Variants in LPCAT1 observed in about 807,000 individuals in gnomAD.
LPCAT1 encodes 1-acylglycerol-3-phosphate O-acyltransferase.
Under a neutral mutation model 60.9 loss-of-function variants are expected in LPCAT1, and 23 were observed. The ratio of observed to expected loss-of-function variants is 0.38; its 90% CI spans 0.27 to 0.53. LPCAT1 has a LOEUF of 0.53. Ranked by LOEUF, LPCAT1 falls within the 20% of genes least tolerant of loss-of-function variation. The pLI, the probability that LPCAT1 is intolerant of heterozygous loss-of-function variation, is 0.82. For missense variants in LPCAT1, 622 were observed against 723.6 expected (o/e 0.86, Z 1.61); for synonymous variants, 340 against 301.1 (o/e 1.13, Z -1.34).
chr5:1,520,874 A>G (rs1328782867), intron 1 of LPCAT1, among the ~76,000 whole-genome samples: 8 of 150,616 alleles, frequency 5.3e-5, no homozygotes, highest in Non-Finnish European at 1.0e-4. Flanking sequence ...AAAAAAAAAA[A>G]AAAAAGAAAA....
chr5:1,497,246 T>C (rs1022785722), intron 2 of LPCAT1, among the ~76,000 whole-genome samples: 4 of 151,928 alleles, frequency 2.6e-5, no homozygotes, highest in Non-Finnish European at 5.9e-5. Flanking sequence ...GACTGGGAAA[T>C]GAGGAGGAGG....
At position 1,487,653 on chromosome 5, in the gene LPCAT1, C is replaced by T. The variant is rs553282627; in HGVS notation, c.667+738G>A. Among the ~76,000 whole-genome samples, 5 of 152,284 alleles carry T rather than the reference C, an allele frequency of 3.3e-5. No individual in the cohort carries two copies. Among genetic ancestry groups the T allele is most frequent in the South Asian group, 2.1e-4 (1 of 4,826 alleles). ...TGTGAGCGAGGAACTGGCTTTTCCA[C>T]GTGACTCTGATCCAACCACAGAGAA... is the stretch of plus-strand genomic sequence containing the variant. On this transcript the variant is annotated intron_variant, in intron 5 of 13. Coordinates refer to ENST00000283415, the MANE Select transcript of LPCAT1 (RefSeq NM_024830.5). The surrounding 1 kb of genome is among the most constrained non-coding windows in gnomAD (Gnocchi z 6.1).
intron 11 of LPCAT1, among the ~76,000 whole-genome samples, chr5:1,472,839 G>A (rs576118446): frequency 4.1e-4 from 63 of 152,188 alleles, no homozygotes; most frequent in Non-Finnish European, 8.1e-4. Flanking sequence ...CCGAGACACT[G>A]TTTCCAGCTG....
chr5:1,505,371 C>T (rs1046275888), intron 1 of LPCAT1, among the ~76,000 whole-genome samples: 9 of 152,218 alleles, frequency 5.9e-5, no homozygotes, highest in Non-Finnish European at 1.2e-4. Context: ...GACTGCAACA[C>T]TGCTTCCACC....
At chr5:1,519,491 CATTCGGAAAATTA>C (rs1383489564) in intron 1 of LPCAT1, among the ~76,000 whole-genome samples, 3 of 152,218 alleles carry the variant, frequency 2.0e-5, no homozygotes, top group African/African-American at 7.2e-5. Flanking sequence ...TCGGAAAATT[CATTCGGAAAATTA>C]GACAGGATTA....
rs532976095 is a variant in LPCAT1, at chr5:1,484,815, T to C, written c.668-1329A>G. 6.6e-5 allele frequency among the ~76,000 whole-genome samples: 10 copies of C among 152,214 alleles called. No individual in the cohort carries two copies. The South Asian group carries it at 1.2e-3, about 19-fold the overall frequency. The stretch of plus-strand genomic sequence containing the variant: ...AGTCCCTGGGCCCGTGTGCCGCAGC[T>C]TCCCCTGTGTCCAGGGCTGGGTTGC... On this transcript the variant is annotated intron_variant, in intron 5 of 13. Coordinates refer to ENST00000283415, the MANE Select transcript of LPCAT1 (RefSeq NM_024830.5).
intron 1 of LPCAT1, among the ~76,000 whole-genome samples, chr5:1,507,376 C>T (rs535563779): frequency 6.6e-6 from 1 of 152,240 alleles, no homozygotes; most frequent in African/African-American, 2.4e-5. Context: ...TAATGAGGAA[C>T]TTTGTCTGAA....
At position 1,480,261 on chromosome 5, in the gene LPCAT1, T is replaced by A; in HGVS notation, c.762-586A>T. The A allele has an allele frequency of 1.2e-6, 1 of 813,740 alleles. No homozygotes were observed. The highest frequency in any genetic ancestry group is 1.5e-6 in the Non-Finnish European group (1 of 679,750). 50.4% of individuals were successfully genotyped at this position (813,740 alleles called of 1,614,324 possible). A position where few individuals can be genotyped will look rare whatever the true frequency, so the allele number is the denominator to read the frequency against. On this transcript the variant is annotated intron_variant, in intron 7 of 13. Coordinates refer to ENST00000283415, the MANE Select transcript of LPCAT1 (RefSeq NM_024830.5). This position sits in a 1 kb window ranked among gnomAD's most constrained non-coding sequence, Gnocchi z 6.4. ...GCCCCCTCCCAGCTCTGCTCCCAGC[T>A]GGGAGCCTCCACACGCCAGCCTGGG...
rs113863322 is a variant in LPCAT1, at chr5:1,464,152, G to T, written c.1421-317C>A. Among the ~76,000 whole-genome samples, 475 of 152,374 alleles carry T rather than the reference G, an allele frequency of 3.1e-3. 1 individual carries two copies. The highest frequency in any genetic ancestry group is 0.011 in the African/African-American group (462 of 41,588). Reference sequence around the variant, plus strand: ...GGGGACTTAGCACTTCTGAGGCACTGTAACCAGAGAAGCTGGCTCAGGGAC... The same window carrying T: ...GGGGACTTAGCACTTCTGAGGCACTTTAACCAGAGAAGCTGGCTCAGGGAC... On this transcript the variant is annotated intron_variant, in intron 13 of 13. Transcript: ENST00000283415.
rs1215589170 is a variant in LPCAT1 at position 1,487,105 on chromosome 5, C to T, written c.667+1286G>A. The stretch of plus-strand genomic sequence containing the variant: ...GGCACGAGGCTCCACTCCCGAGGAA[C>T]ACCTGCCCTTGAAGACAGGGCCCAG... On this transcript the variant is annotated intron_variant, in intron 5 of 13. Coordinates refer to ENST00000283415, the MANE Select transcript of LPCAT1 (RefSeq NM_024830.5). This position sits in a 1 kb window ranked among gnomAD's most constrained non-coding sequence, Gnocchi z 6.1. Among the ~76,000 whole-genome samples, 1 of 152,252 alleles carries T rather than the reference C, an allele frequency of 6.6e-6. No individual in the cohort carries two copies. Among genetic ancestry groups the T allele is most frequent in the African/African-American group, 2.4e-5 (1 of 41,464 alleles).
intron 2 of LPCAT1, 40 bp from the exon 3 acceptor site, chr5:1,494,954 C>T (rs1316301652): frequency 1.3e-6 from 2 of 1,537,620 alleles, no homozygotes; most frequent in Admixed American, 3.8e-5. Flanking sequence ...CACACGTCCG[C>T]AGTCTCGGAG....
intron 1 of LPCAT1, among the ~76,000 whole-genome samples, chr5:1,517,124 T>A (rs114656258): frequency 0.042 from 6,435 of 152,230 alleles, 450 homozygotes; most frequent in African/African-American, 0.15. Flanking sequence ...CACAGCTAGA[T>A]TAAAGGTTTA....
In LPCAT1 at chr5:1,481,337, T is replaced by G. The variant is rs1185661284; in HGVS notation, c.727-361A>C. ...CTCCCTCCCTCCATGCTCTCCGCTT[T>G]CCTCACAGACCTGGGGACACCAATT... On this transcript the variant is annotated intron_variant, in intron 6 of 13. Coordinates refer to ENST00000283415, the MANE Select transcript of LPCAT1 (RefSeq NM_024830.5). This position sits in a 1 kb window ranked among gnomAD's most constrained non-coding sequence, Gnocchi z 7.8. Among the ~76,000 whole-genome samples the G allele has an allele frequency of 6.6e-6, 1 of 152,200 alleles. No homozygotes were observed. The highest frequency in any genetic ancestry group is 1.5e-5 in the Non-Finnish European group (1 of 68,036).
rs140986042 is a variant in LPCAT1, at chr5:1,489,687, C to T, written c.606+59G>A. ...GCCCCAGTTTCTTTCTCCCCACTCG[C>T]GAAGTTCGCATCTTTCGGAATAAAA... On this transcript the variant is annotated intron_variant, in intron 4 of 13. Coordinates refer to ENST00000283415, the MANE Select transcript of LPCAT1 (RefSeq NM_024830.5). The T allele has an allele frequency of 5.1e-5, 65 of 1,279,450 alleles. No individual in the cohort carries two copies. In the African/African-American group the frequency reaches 7.2e-4, roughly 14 times the overall value. The allele number at this position is 1,279,450 out of a possible 1,614,324, so 79.3% of individuals were successfully genotyped here.
intron 5 of LPCAT1, among the ~76,000 whole-genome samples, chr5:1,484,155 G>T (rs1484331904): frequency 6.6e-6 from 1 of 152,244 alleles, no homozygotes; most frequent in Admixed American, 6.5e-5. Flanking sequence ...CTCTCTGAGT[G>T]GCTGCCACCT....
At position 1,523,936 on chromosome 5, in the gene LPCAT1, G is replaced by A. The variant is rs1736757371; in HGVS notation, c.-92C>T. 1.1e-6 allele frequency: 1 copy of A among 884,324 alleles called. No homozygotes were observed. Among genetic ancestry groups the A allele is most frequent in the Non-Finnish European group, 1.4e-6 (1 of 736,300 alleles). The allele number at this position is 884,324 out of a possible 1,614,324, so 54.8% of individuals were successfully genotyped here. On this transcript the variant is annotated 5_prime_UTR_variant, in exon 1 of 14. Transcript: ENST00000283415. The surrounding 1 kb of genome is among the most constrained non-coding windows in gnomAD (Gnocchi z 7.1). ...GGGCGCGGGTCTCGGGGCGCGGGCC[G>A]AGGATGCGCGGCGGCTGGAGCGGGC...
intron 1 of LPCAT1, among the ~76,000 whole-genome samples, chr5:1,520,521 T>C (rs1038668120): frequency 1.3e-5 from 2 of 152,148 alleles, no homozygotes; most frequent in African/African-American, 4.8e-5. Context: ...CTTTCCAGGA[T>C]GTAAGTTCTT....
intron 11 of LPCAT1, among the ~76,000 whole-genome samples, chr5:1,471,342 C>T (rs1734660502): frequency 6.6e-6 from 1 of 152,252 alleles, no homozygotes; most frequent in Non-Finnish European, 1.5e-5. Context: ...TGGAGCTAAA[C>T]AGCAGCCCGG....
chr5:1,497,886 T>A (rs1043902687), intron 2 of LPCAT1, among the ~76,000 whole-genome samples: 2 of 152,200 alleles, frequency 1.3e-5, no homozygotes, highest in African/African-American at 4.8e-5. Context: ...GGGCAGCCCC[T>A]GGAGGACCTG....
Sources: gnomAD v4.1 joint callset for allele counts (sites outside exome capture counted in the v4.1 genomes callset) on GRCh38, gnomAD v4.1.1 for gene constraint, Gnocchi (gnomAD v3.1) non-coding constraint, MANE v1.5 for transcripts, NCBI Gene and HGNC (gene_info 2026-07-23, HGNC 2026-07-21) for gene names.